SLCO1A2: variants seen among roughly 807,000 people sequenced by gnomAD.
The protein encoded by SLCO1A2 is solute carrier organic anion transporter family member 1A2.
A neutral mutation model predicts 69.0 loss-of-function variants in SLCO1A2; 67 were observed. The observed-to-expected ratio is 0.97, with a 90% CI of 0.80 to 1.19. The LOEUF is 1.19. Among genes scored for constraint, SLCO1A2 ranks in the 50% most tolerant of loss-of-function variants. The pLI is 0.00. For synonymous variants in SLCO1A2, 260 were observed against 265.9 expected (o/e 0.98, Z 0.22); for missense variants, 787 against 793.7 (o/e 0.99, Z 0.10).
intron 2 of SLCO1A2, among the ~76,000 whole-genome samples, chr12:21,348,571 G>A (rs899229935): frequency 6.6e-6 from 1 of 152,058 alleles, no homozygotes; most frequent in African/African-American, 2.4e-5. Flanking sequence ...GCAAATGACT[G>A]GATCTCATTC....
At chr12:21,383,631 A>T (rs1940721939) in intron 1 of SLCO1A2, among the ~76,000 whole-genome samples, 1 of 152,140 alleles carries the variant, frequency 6.6e-6, no homozygotes, top group Admixed American at 6.6e-5. Flanking sequence ...AGTCTATGTA[A>T]ATACAGGTCC....
chr12:21,282,066 CATTCT>C, intron 12 of SLCO1A2, among the ~76,000 whole-genome samples: 1 of 150,654 alleles, frequency 6.6e-6, no homozygotes, highest in South Asian at 2.1e-4. Flanking sequence ...CTTCCAAACT[CATTCT>C]ATGAGGCCAG....
chr12:21,357,143 T>C (rs930071295), intron 2 of SLCO1A2, among the ~76,000 whole-genome samples: 4 of 152,308 alleles, frequency 2.6e-5, no homozygotes, highest in Middle Eastern at 3.4e-3. Context: ...AATGCATCTG[T>C]TGAAGTCCAA....
chr12:21,332,739 C>A (rs1952691201), intron 2 of SLCO1A2, among the ~76,000 whole-genome samples: 1 of 152,056 alleles, frequency 6.6e-6, no homozygotes, highest in South Asian at 2.1e-4. Context: ...CTCTCTTAGT[C>A]CTCTATTATA....
chr12:21,390,615 G>A (rs144743843), intron 1 of SLCO1A2, among the ~76,000 whole-genome samples: 1 of 152,148 alleles, frequency 6.6e-6, no homozygotes, highest in East Asian at 1.9e-4. Flanking sequence ...CACCCAAGCT[G>A]CTACTGCAAC....
Position 21,265,819 on chromosome 12 carries a change from T to A in SLCO1A2, c.*3729A>T, listed in dbSNP as rs180695080. ...TCCCCTTGGTAATAAATTTGAGGGA[T>A]CTAAGAATGCCAGAACAGGAATTCT... On this transcript the variant is annotated 3_prime_UTR_variant, in exon 15 of 15. Coordinates refer to ENST00000683939, the MANE Select transcript of SLCO1A2 (RefSeq NM_001386879.1). 1 of 152,236 alleles carries A rather than the reference T, an allele frequency of 6.6e-6. No homozygotes were observed. The highest frequency in any genetic ancestry group is 1.5e-5 in the Non-Finnish European group (1 of 68,040). The allele number at this position is 152,236 out of a possible 1,614,324, so 9.4% of individuals were successfully genotyped here. A position where few individuals can be genotyped will look rare whatever the true frequency, so the allele number is the denominator to read the frequency against.
rs550343524 is a variant in SLCO1A2 at position 21,357,109 on chromosome 12, A to T, written c.-63+17290T>A. 6.3e-3 allele frequency among the ~76,000 whole-genome samples: 955 copies of T among 152,322 alleles called. 10 individuals are homozygous for T. The highest frequency in any genetic ancestry group is 9.2e-3 in the Non-Finnish European group (626 of 68,020). ...ACTATAGAATGTCCAGAAAACCTTTATGGGTTGAACTGTGTCCCTGCAAAA... is the reference window on the plus strand; with the variant it reads ...ACTATAGAATGTCCAGAAAACCTTTTTGGGTTGAACTGTGTCCCTGCAAAA... On this transcript the variant is annotated intron_variant, in intron 2 of 15. Transcript: ENST00000307378.
At chr12:21,334,789 G>C in intron 1 of SLCO1A2, 38 bp downstream of exon 1, 1 of 633,946 alleles carries the variant, frequency 1.6e-6, no homozygotes, top group Non-Finnish European at 2.7e-6. Context: ...TGCTGAAAAT[G>C]AACAACATAA....
Position 21,314,619 on chromosome 12 carries a change from T to G in SLCO1A2, c.265A>C (p.Ile89Leu). The G allele has an allele frequency of 6.2e-7, 1 of 1,613,450 alleles. No individual in the cohort carries two copies. The highest frequency in any genetic ancestry group is 1.1e-5 in the South Asian group (1 of 91,076). ...FGTKLHRPIM[I>L]GIGCVVMGLG... is the part of the protein sequence containing the mutation. ...CCCATAACCACACATCCAATGCCAA[T>G]CATTATAGGTCTATGCAGTTTGGTT... Residue 89 changes from isoleucine (I) to leucine (L), a missense_variant, in exon 4 of 15, where the codon ATT (isoleucine) becomes CTT (leucine). Ile to Leu is a conservative substitution (Grantham distance 5). Coordinates refer to ENST00000683939, the MANE Select transcript of SLCO1A2 (RefSeq NM_001386879.1).
At chr12:21,346,438 A>G (rs774057357) in intron 2 of SLCO1A2, among the ~76,000 whole-genome samples, 13 of 152,094 alleles carry the variant, frequency 8.5e-5, no homozygotes, top group Non-Finnish European at 1.6e-4. Flanking sequence ...TTGTGTTCAG[A>G]AAAATGTCCA....
At chr12:21,274,386 A>G (rs2136090699) in intron 14 of SLCO1A2, 83 bp downstream of exon 14, 3 of 831,570 alleles carry the variant, frequency 3.6e-6, no homozygotes, top group Non-Finnish European at 5.9e-6. Flanking sequence ...TTCACTTGAC[A>G]AAGAAAAAGT....
intron 6 of SLCO1A2, among the ~76,000 whole-genome samples, chr12:21,303,298 C>T (rs534298507): frequency 6.6e-6 from 1 of 152,218 alleles, no homozygotes; most frequent in Admixed American, 6.5e-5. Flanking sequence ...AAACAGATGT[C>T]ATAGCAAGGT....
intron 2 of SLCO1A2, among the ~76,000 whole-genome samples, chr12:21,343,126 G>GA (rs1953130003): frequency 6.6e-6 from 1 of 152,124 alleles, no homozygotes; most frequent in Non-Finnish European, 1.5e-5. Context: ...AAGGCAGGGA[G>GA]AGAGACTTAC....
At chr12:21,370,317 C>A (rs1939684062) in intron 2 of SLCO1A2, among the ~76,000 whole-genome samples, 1 of 151,212 alleles carries the variant, frequency 6.6e-6, no homozygotes, top group African/African-American at 2.4e-5. Context: ...TATAAAATAC[C>A]AGGTCTTCCT....
intron 2 of SLCO1A2, chr12:21,319,549 C>A (rs761548468): frequency 3.3e-5 from 35 of 1,056,074 alleles, no homozygotes; most frequent in Non-Finnish European, 7.9e-6. Context: ...GGCATATAAG[C>A]CCAGGACAGA....
intron 1 of SLCO1A2, among the ~76,000 whole-genome samples, chr12:21,381,868 C>A (rs929939007): frequency 2.6e-5 from 4 of 152,134 alleles, no homozygotes; most frequent in African/African-American, 9.7e-5. Context: ...AATGCTTACA[C>A]AATGCTAGTG....
intron 12 of SLCO1A2, among the ~76,000 whole-genome samples, chr12:21,277,916 G>A (rs1009059731): frequency 1.3e-5 from 2 of 152,162 alleles, no homozygotes; most frequent in Admixed American, 6.6e-5. Context: ...GGGACCCCAG[G>A]GGTAGAGCAC....
At chr12:21,289,184 CTGTGTGTGTGTGTGTGTG>C (rs10636619) in intron 12 of SLCO1A2, among the ~76,000 whole-genome samples, 1 of 136,916 alleles carries the variant, frequency 7.3e-6, no homozygotes, top group African/African-American at 2.7e-5. Context: ...TGGTACCATT[CTGTGTGTGTGTGTGTGTG>C]TGTGTGTGTG....
intron 8 of SLCO1A2, among the ~76,000 whole-genome samples, chr12:21,299,800 GTA>G (rs200018541): frequency 9.6e-6 from 1 of 103,648 alleles, no homozygotes; most frequent in Non-Finnish European, 1.8e-5. Flanking sequence ...ACACACACAC[GTA>G]TATATATACA....
Sources: gnomAD v4.1 joint callset for allele counts (sites outside exome capture counted in the v4.1 genomes callset) on GRCh38, gnomAD v4.1.1 for gene constraint, MANE v1.5 for transcripts, NCBI Gene and HGNC (gene_info 2026-07-23, HGNC 2026-07-21) for gene names.